The following OPTN variants were observed in gnomAD, a reference collection of about 807,000 sequenced individuals.
The protein encoded by OPTN is E3-14.7K-interacting protein.
Under a neutral mutation model 70.4 loss-of-function variants are expected in OPTN, and 54 were observed. The ratio of observed to expected loss-of-function variants is 0.77; its 90% CI spans 0.62 to 0.96. OPTN has a LOEUF of 0.96. Ranked by LOEUF, OPTN falls within the 40% of genes least tolerant of loss-of-function variation. The probability of loss-of-function intolerance (pLI) is 0.00; values close to 1 mark genes in which losing one functional copy is unlikely to be tolerated. For synonymous variants in OPTN, 256 were observed against 248.5 expected, an observed-to-expected ratio of 1.03 and a Z score of -0.28; for missense variants, 624 against 673.2, an observed-to-expected ratio of 0.93 and a Z score of 0.81.
chr10:13,108,868 C>G (rs1250442539), intron 2 of OPTN: 4 of 488,912 alleles, frequency 8.2e-6, no homozygotes, highest in Non-Finnish European at 1.5e-5. Flanking sequence ...TTTTATACAC[C>G]CATACACACA....
chr10:13,116,720 A>T (rs1412085083), intron 6 of OPTN, among the ~76,000 whole-genome samples: 2 of 152,192 alleles, frequency 1.3e-5, no homozygotes, highest in Non-Finnish European at 2.9e-5. Flanking sequence ...TAAGTGAAAT[A>T]TTTTCATTTT....
chr10:13,129,985 A>T (rs1760628588), intron 12 of OPTN, among the ~76,000 whole-genome samples: 3 of 152,152 alleles, frequency 2.0e-5, no homozygotes, highest in African/African-American at 7.2e-5. Context: ...TCTTCAGAGC[A>T]TTTCCTTGCT....
intron 1 of OPTN, among the ~76,000 whole-genome samples, chr10:13,105,922 A>T (rs548193234): frequency 6.6e-6 from 1 of 151,946 alleles, no homozygotes; most frequent in Non-Finnish European, 1.5e-5. Flanking sequence ...AAAAAAAAAA[A>T]GTTCATTGAG....
At position 13,125,810 on chromosome 10, in the gene OPTN, A is replaced by G. The variant is rs966248250; in HGVS notation, c.1149-136A>G. 6.5e-6 allele frequency: 5 copies of G among 769,140 alleles called. No homozygotes were observed. The African/African-American group carries it at 8.9e-5, about 14-fold the overall frequency. The allele number at this position is 769,140 out of a possible 1,614,324, so 47.6% of individuals were successfully genotyped here. A position where few individuals can be genotyped will look rare whatever the true frequency, so the allele number is the denominator to read the frequency against. ...AAAAGATTTTTTTTGAGAGTAAGAA[A>G]TGCTAGTAGGTCGTGGGGTGATAAA... On this transcript the variant is annotated intron_variant, in intron 10 of 14. Transcript: ENST00000378747.
intron 8 of OPTN, chr10:13,123,269 C>G (rs1175131240): frequency 6.5e-6 from 1 of 152,694 alleles, no homozygotes; most frequent in Non-Finnish European, 1.5e-5. Context: ...AGAGAGTCTT[C>G]AGCTTTCGGA....
chr10:13,132,091 C>T lies in OPTN; in HGVS notation c.1426C>T (p.His476Tyr). The T allele has an allele frequency of 2.5e-6, 4 of 1,613,108 alleles. No homozygotes were observed. Among genetic ancestry groups the T allele is most frequent in the Non-Finnish European group, 3.4e-6 (4 of 1,179,306 alleles). ...AQMEVYCSDFHAERAAREKIH... is the reference protein window; with the variant it reads ...AQMEVYCSDFYAERAAREKIH... ...GATGGAAGTTTACTGTTCTGATTTT[C>T]ATGCTGAAAGAGCAGCGAGAGAGAA... The change falls in exon 13 of 15, where the codon CAT becomes TAT. Residue 476 changes from histidine to tyrosine, a missense_variant. Transcript: ENST00000378747.
intron 14 of OPTN, among the ~76,000 whole-genome samples, chr10:13,135,221 CAG>C (rs1396484327): frequency 6.6e-6 from 1 of 152,152 alleles, no homozygotes; most frequent in Non-Finnish European, 1.5e-5. Context: ...AAGGTCAGAA[CAG>C]AGAGATGCCC....
intron 1 of OPTN, among the ~76,000 whole-genome samples, chr10:13,103,765 C>CAT (rs1832801901): frequency 6.6e-6 from 1 of 151,998 alleles, no homozygotes; most frequent in South Asian, 2.1e-4. Context: ...CACACACACA[C>CAT]ACAATCAGGA....
chr10:13,111,838 T>C (rs1833006518), intron 4 of OPTN, among the ~76,000 whole-genome samples: 1 of 143,478 alleles, frequency 7.0e-6, no homozygotes, highest in South Asian at 2.1e-4. Context: ...TATTTGTTTT[T>C]TGACTGTTTT....
chr10:13,116,093 G>A (rs937243705), intron 5 of OPTN, among the ~76,000 whole-genome samples, 174 bp from the exon 6 acceptor site: 2 of 152,022 alleles, frequency 1.3e-5, no homozygotes, highest in African/African-American at 2.4e-5. Flanking sequence ...GTGAGGGGAG[G>A]GTACGTTTCC....
rs1365765327 is a variant in OPTN at position 13,136,965 on chromosome 10, C to T, written c.*99C>T. 1.3e-6 allele frequency: 2 copies of T among 1,508,274 alleles called. No individual in the cohort carries two copies. Among genetic ancestry groups the T allele is most frequent in the African/African-American group, 2.7e-5 (2 of 72,940 alleles). 93.4% of individuals were successfully genotyped at this position (1,508,274 alleles called of 1,614,324 possible). A position where few individuals can be genotyped will look rare whatever the true frequency, so the allele number is the denominator to read the frequency against. On this transcript the variant is annotated 3_prime_UTR_variant, in exon 15 of 15. Coordinates refer to ENST00000378747, the MANE Select transcript of OPTN (RefSeq NM_001008212.2). ...TATTTGTTTTCACTCAAATATTTTGCCTCATTATTCTTGTTTTAAAAGAAA... is the reference window on the plus strand; with the variant it reads ...TATTTGTTTTCACTCAAATATTTTGTCTCATTATTCTTGTTTTAAAAGAAA...
chr10:13,109,031 C>T (rs769959272), intron 2 of OPTN, 81 bp from the exon 3 acceptor site: 47 of 1,274,444 alleles, frequency 3.7e-5, no homozygotes, highest in Non-Finnish European at 5.2e-5. Context: ...TATTAGCAAT[C>T]GCCAATGGGT....
chr10:13,126,438 G>A (rs906847333), intron 11 of OPTN, among the ~76,000 whole-genome samples: 16 of 151,522 alleles, frequency 1.1e-4, no homozygotes, highest in African/African-American at 3.6e-4. Flanking sequence ...CCGCCACCGC[G>A]CCCGGCTAAT....
intron 12 of OPTN, chr10:13,131,267 T>A (rs1833587698): frequency 6.6e-6 from 1 of 152,214 alleles, no homozygotes; most frequent in Non-Finnish European, 1.5e-5. Flanking sequence ...GCGTCTTTTG[T>A]GACCTAGTCT....
intron 14 of OPTN, among the ~76,000 whole-genome samples, chr10:13,135,808 G>A (rs191751844): frequency 6.9e-4 from 105 of 151,908 alleles, no homozygotes; most frequent in African/African-American, 2.3e-3. Flanking sequence ...TTTTCTTCTC[G>A]CAGATATCCT....
chr10:13,123,924 T>G lies in OPTN; in HGVS notation c.883-71T>G, dbSNP rs907612874. The G allele has an allele frequency of 1.5e-5, 17 of 1,126,354 alleles. No individual in the cohort carries two copies. In the African/African-American group the frequency reaches 1.8e-4, roughly 12 times the overall value. 69.8% of individuals were successfully genotyped at this position (1,126,354 alleles called of 1,614,324 possible). A position where few individuals can be genotyped will look rare whatever the true frequency, so the allele number is the denominator to read the frequency against. On this transcript the variant is annotated intron_variant, in intron 8 of 14. Coordinates refer to ENST00000378747, the MANE Select transcript of OPTN (RefSeq NM_001008212.2). ...TTGGCTACTAATGGTTCAGCCTGTT[T>G]TCTCCTAAAGAGGTTTGTTTAATGT...
intron 5 of OPTN, among the ~76,000 whole-genome samples, chr10:13,112,864 T>A (rs1480432504): frequency 2.6e-5 from 4 of 152,100 alleles, no homozygotes; most frequent in Non-Finnish European, 5.9e-5. Flanking sequence ...TGTAGTCTTT[T>A]TTTTTTTCTT....
chr10:13,117,211 G>C (rs1406518293), intron 6 of OPTN, among the ~76,000 whole-genome samples: 1 of 150,574 alleles, frequency 6.6e-6, no homozygotes, highest in Non-Finnish European at 1.5e-5. Context: ...CTCCCGAGTA[G>C]CTGGAACCAC....
intron 6 of OPTN, among the ~76,000 whole-genome samples, chr10:13,117,315 C>T (rs1352358060): frequency 6.6e-6 from 1 of 151,620 alleles, no homozygotes; most frequent in Non-Finnish European, 1.5e-5. Context: ...CTCCTGACCT[C>T]GTGATCTGCC....
Sources: allele counts gnomAD v4.1 joint callset (sites outside exome capture counted in the v4.1 genomes callset), GRCh38; gene constraint gnomAD v4.1.1; transcripts MANE v1.5; gene names NCBI Gene and HGNC (gene_info 2026-07-23, HGNC 2026-07-21).